RIOK3: variants seen among roughly 807,000 people sequenced by gnomAD.
RIOK3 encodes the protein serine/threonine-protein kinase RIO3.
A neutral mutation model predicts 63.5 loss-of-function variants in RIOK3; 40 were observed. The ratio of observed to expected loss-of-function variants is 0.63; its 90% CI spans 0.49 to 0.82. The LOEUF is 0.82. Ranked by LOEUF, RIOK3 falls within the 40% of genes least tolerant of loss-of-function variation. The pLI is 0.00. For missense variants in RIOK3, 557 were observed against 637.0 expected (o/e 0.87, Z 1.35); for synonymous variants, 193 against 205.0 (o/e 0.94, Z 0.50).
intron 1 of RIOK3, among the ~76,000 whole-genome samples, chr18:23,455,382 T>C (rs1461627215): frequency 6.7e-6 from 1 of 148,592 alleles, no homozygotes; most frequent in Admixed American, 6.8e-5. Context: ...GTCTTTCTTT[T>C]TTTTTTTTTC....
intron 7 of RIOK3, among the ~76,000 whole-genome samples, chr18:23,467,984 G>T (rs116874486): frequency 0.026 from 4,015 of 152,094 alleles, 59 homozygotes; most frequent in Middle Eastern, 0.061. Context: ...CGCCATGTTG[G>T]CTAGGCTGTC....
chr18:23,456,293 A>C (rs1161516793), intron 1 of RIOK3: 4 of 152,226 alleles, frequency 2.6e-5, no homozygotes, highest in African/African-American at 9.6e-5. Context: ...TTTTGTTTAC[A>C]TTGATTATAT....
At chr18:23,455,279 T>A (rs1386551779) in intron 1 of RIOK3, among the ~76,000 whole-genome samples, 1 of 152,028 alleles carries the variant, frequency 6.6e-6, no homozygotes. Flanking sequence ...TTCACCGTAT[T>A]GGCCAGGCTG....
Position 23,453,505 on chromosome 18 carries a change from A to G in RIOK3, c.63+3A>G, listed in dbSNP as rs749468514. ...CAGCGGCCTGGGGACCCAGCAAGGT[A>G]AGTGGCAGACGAGACTGGAGTACTA... is the stretch of plus-strand genomic sequence containing the variant. On this transcript the variant is annotated splice_donor_region_variant and intron_variant, in intron 1 of 12. Transcript: ENST00000339486. 1.2e-6 allele frequency: 2 copies of G among 1,610,848 alleles called. No individual in the cohort carries two copies. The highest frequency in any genetic ancestry group is 1.7e-5 in the Admixed American group (1 of 60,010).
Position 23,481,575 on chromosome 18 carries a change from G to A in RIOK3, c.*296G>A, listed in dbSNP as rs926144004. ...GACTTGTGGTGTAAAATGTCTTGATGATAATTTTTAAAACTTGGGTAACAC... is the reference window on the plus strand; with the variant it reads ...GACTTGTGGTGTAAAATGTCTTGATAATAATTTTTAAAACTTGGGTAACAC... On this transcript the variant is annotated 3_prime_UTR_variant, in exon 13 of 13. Transcript: ENST00000339486. The A allele has an allele frequency of 1.2e-5, 3 of 249,412 alleles. No individual in the cohort carries two copies. Among genetic ancestry groups the A allele is most frequent in the Admixed American group, 5.4e-5 (1 of 18,506 alleles). 15.4% of individuals were successfully genotyped at this position (249,412 alleles called of 1,614,324 possible).
Position 23,453,373 on chromosome 18 carries a change from C to G in RIOK3, c.-67C>G. 1 of 1,338,982 alleles carries G rather than the reference C, an allele frequency of 7.5e-7. No individual in the cohort carries two copies. Among genetic ancestry groups the G allele is most frequent in the South Asian group, 1.2e-5 (1 of 85,574 alleles). The allele number at this position is 1,338,982 out of a possible 1,614,324, so 82.9% of individuals were successfully genotyped here. ...CAGTCGCCCGTGTCCCGCCTGTCTCCTCGGCGGAGCCTGCTGCCCGTCCTG... is the reference window on the plus strand; with the variant it reads ...CAGTCGCCCGTGTCCCGCCTGTCTCGTCGGCGGAGCCTGCTGCCCGTCCTG... On this transcript the variant is annotated 5_prime_UTR_variant, in exon 1 of 13. Coordinates refer to ENST00000339486, the MANE Select transcript of RIOK3 (RefSeq NM_003831.5).
At chr18:23,464,367 A>G in intron 4 of RIOK3, 54 bp downstream of exon 4, 1 of 1,299,484 alleles carries the variant, frequency 7.7e-7, no homozygotes, top group Non-Finnish European at 1.1e-6. Flanking sequence ...AGGAAGACTA[A>G]TCTTTTCAAT....
chr18:23,478,606 CAT>C (rs67305895), intron 11 of RIOK3, among the ~76,000 whole-genome samples: 112 of 130,732 alleles, frequency 8.6e-4, no homozygotes, highest in African/African-American at 1.8e-3. Context: ...AAAAACAAAA[CAT>C]ATATATATAT....
chr18:23,463,525 TCAGC>T (rs1034360295), intron 2 of RIOK3, among the ~76,000 whole-genome samples: 22 of 151,364 alleles, frequency 1.5e-4, no homozygotes, highest in African/African-American at 5.3e-4. Context: ...TTCTCCTGCC[TCAGC>T]CTCTCGAGTA....
chr18:23,466,397 A>G (rs2057408177), intron 6 of RIOK3, 121 bp downstream of exon 6: 1 of 815,014 alleles, frequency 1.2e-6, no homozygotes, highest in Non-Finnish European at 1.8e-6. Context: ...TTTTTAAATC[A>G]AAGATGTAAA....
chr18:23,475,209 C>G (rs1341179121), intron 9 of RIOK3, 102 bp downstream of exon 9: 6 of 887,608 alleles, frequency 6.8e-6, no homozygotes, highest in Admixed American at 2.8e-5. Context: ...TTGGCTCACA[C>G]TTGTAATCTA....
intron 8 of RIOK3, among the ~76,000 whole-genome samples, chr18:23,473,955 T>C (rs1378418390): frequency 1.3e-5 from 2 of 152,208 alleles, no homozygotes; most frequent in Non-Finnish European, 1.5e-5. Context: ...AAAATGTTTG[T>C]TGCATTTAAT....
intron 1 of RIOK3, among the ~76,000 whole-genome samples, chr18:23,456,029 A>G (rs961189074): frequency 2.0e-5 from 3 of 151,864 alleles, no homozygotes; most frequent in Non-Finnish European, 4.4e-5. Context: ...ATCTCTTGAC[A>G]TTGTGATCCT....
intron 12 of RIOK3, among the ~76,000 whole-genome samples, chr18:23,480,219 T>C (rs116632300): frequency 5.1e-4 from 78 of 152,304 alleles, no homozygotes; most frequent in African/African-American, 1.8e-3. Context: ...CCCAACATTA[T>C]ACCAAAGCAG....
chr18:23,479,248 TC>T (rs750097343), intron 11 of RIOK3, 68 bp from the exon 12 acceptor site: 2 of 929,548 alleles, frequency 2.2e-6, no homozygotes, highest in East Asian at 2.5e-5. Flanking sequence ...AATGTGCTGC[TC>T]CCTGTTTTTA....
chr18:23,473,498 C>G lies in RIOK3; in HGVS notation c.885C>G (p.Thr295=), dbSNP rs1215847186. 5.6e-6 allele frequency: 9 copies of G among 1,611,662 alleles called. No individual in the cohort carries two copies. Among genetic ancestry groups the G allele is most frequent in the South Asian group, 1.1e-5 (1 of 90,948 alleles). The change falls in exon 8 of 13, where the codon ACC becomes ACG. Residue 295 remains threonine (T), a synonymous_variant. Transcript: ENST00000339486. ...GTGCCATCAAGGTATTTAAAACAAC[C>G]CTTAATGAATTTAAGAATCGTGACA... is the stretch of plus-strand genomic sequence containing the variant. ...TECAIKVFKT[T]LNEFKNRDKY...
At chr18:23,479,198 T>C (rs953527650) in intron 11 of RIOK3, 119 bp from the exon 12 acceptor site, 4 of 626,520 alleles carry the variant, frequency 6.4e-6, no homozygotes, top group Non-Finnish European at 1.2e-5. Context: ...TGTGTGTGTG[T>C]GTGCGTGTGC....
intron 1 of RIOK3, among the ~76,000 whole-genome samples, chr18:23,454,208 A>C (rs1429752013): frequency 6.6e-6 from 1 of 152,196 alleles, no homozygotes; most frequent in East Asian, 1.9e-4. Context: ...TCTGCTTGAG[A>C]GCAGAGTGCT....
chr18:23,477,728 A>G (rs1488570182), intron 11 of RIOK3, among the ~76,000 whole-genome samples: 1 of 146,704 alleles, frequency 6.8e-6, no homozygotes, highest in Non-Finnish European at 1.5e-5. Context: ...GTGCTACTGC[A>G]CTCCACCCAG....
Sources: allele counts gnomAD v4.1 joint callset (sites outside exome capture counted in the v4.1 genomes callset), GRCh38; gene constraint gnomAD v4.1.1; transcripts MANE v1.5; gene names NCBI Gene and HGNC (gene_info 2026-07-23, HGNC 2026-07-21).